NCOA7: variants seen among roughly 807,000 people sequenced by gnomAD.
NCOA7 encodes 140 kDa estrogen receptor-associated protein.
In NCOA7, 45 loss-of-function variants were observed where a neutral mutation model predicts 104.3. The observed-to-expected ratio is 0.43, with a 90% confidence interval of 0.34 to 0.55. The LOEUF (loss-of-function observed/expected upper bound fraction) is 0.55. Ranked by LOEUF, NCOA7 falls within the 20% of genes least tolerant of loss-of-function variation. The pLI, the probability that NCOA7 is intolerant of heterozygous loss-of-function variation, is 0.02. For missense variants in NCOA7, 1,041 were observed against 1,119.7 expected, an observed-to-expected ratio of 0.93 and a Z score of 1.00; for synonymous variants, 398 against 402.3, an observed-to-expected ratio of 0.99 and a Z score of 0.13.
At chr6:125,863,458 G>A (rs779424635) in intron 3 of NCOA7, among the ~76,000 whole-genome samples, 1 of 138,006 alleles carries the variant, frequency 7.2e-6, no homozygotes, top group Non-Finnish European at 1.5e-5. Context: ...AATCTGTCTT[G>A]TTATATTCAC....
intron 1 of NCOA7, among the ~76,000 whole-genome samples, chr6:125,795,107 T>C (rs1430815999): frequency 6.6e-6 from 1 of 152,232 alleles, no homozygotes; most frequent in African/African-American, 2.4e-5. Context: ...CCCAGGTAAC[T>C]CATTATTTAC....
At chr6:125,907,579 A>T (rs1006660944) in intron 10 of NCOA7, among the ~76,000 whole-genome samples, 1 of 152,200 alleles carries the variant, frequency 6.6e-6, no homozygotes, top group African/African-American at 2.4e-5. Flanking sequence ...AAGCCAAGGA[A>T]GTAGTTGGCC....
rs781108701 is a variant in NCOA7, at chr6:125,889,794, G to C, written c.1740G>C (p.Lys580Asn). 3 of 1,612,276 alleles carry C rather than the reference G, an allele frequency of 1.9e-6. No individual in the cohort carries two copies. Among genetic ancestry groups the C allele is most frequent in the East Asian group, 4.5e-5 (2 of 44,858 alleles). Residue 580 changes from lysine (K) to asparagine (N), a missense_variant, in exon 9 of 16, where the codon AAG (lysine) becomes AAC (asparagine). By Grantham distance (94) the Lys-to-Asn change is moderately conservative. Coordinates refer to ENST00000392477, the MANE Select transcript of NCOA7 (RefSeq NM_181782.5). Reference sequence around the variant, plus strand: ...CTGAGGGCAATAAAGAGCCAGATAAGACCTGGGTGAAAAAGGGAGAGCCCC... The same window carrying C: ...CTGAGGGCAATAAAGAGCCAGATAACACCTGGGTGAAAAAGGGAGAGCCCC... ...PITEGNKEPD[K>N]TWVKKGEPLP...
intron 8 of NCOA7, among the ~76,000 whole-genome samples, chr6:125,887,786 C>A (rs1784362395): frequency 6.6e-6 from 1 of 152,116 alleles, no homozygotes; most frequent in African/African-American, 2.4e-5. Context: ...AAATGTTATT[C>A]TTTAAAAGGT....
At chr6:125,819,255 A>G (rs75150046) in intron 2 of NCOA7, among the ~76,000 whole-genome samples, 2,128 of 152,274 alleles carry the variant, frequency 0.014, 25 homozygotes, top group African/African-American at 0.03. Context: ...GCTCTTTAAC[A>G]TCAAAATAGA....
In NCOA7 at chr6:125,860,934, T is replaced by C. The variant is rs539503309; in HGVS notation, c.271+5694T>C. 3.2e-4 allele frequency among the ~76,000 whole-genome samples: 48 copies of C among 152,334 alleles called. No individual in the cohort carries two copies. The South Asian group carries it at 9.5e-3, about 30-fold the overall frequency. On this transcript the variant is annotated intron_variant, in intron 3 of 15. Transcript: ENST00000392477. Reference sequence around the variant, plus strand: ...AATACCAAGATCTTGGATAGTGAAGTTGAATTTTAAGAAAATTATACTTGG... The same window carrying C: ...AATACCAAGATCTTGGATAGTGAAGCTGAATTTTAAGAAAATTATACTTGG...
intron 10 of NCOA7, among the ~76,000 whole-genome samples, chr6:125,898,826 TA>T (rs1014584314): frequency 5.9e-5 from 9 of 152,060 alleles, no homozygotes; most frequent in African/African-American, 2.2e-4. Flanking sequence ...ATCTAATAAA[TA>T]AAAAATGTAT....
In NCOA7 at chr6:125,885,329, A is replaced by C; in HGVS notation, c.870A>C (p.Lys290Asn). 1.9e-6 allele frequency: 3 copies of C among 1,613,616 alleles called. No homozygotes were observed. The highest frequency in any genetic ancestry group is 8.5e-7 in the Non-Finnish European group (1 of 1,179,584). Residue 290 changes from lysine (K) to asparagine (N), a missense_variant, in exon 8 of 16, where the codon AAA (lysine) becomes AAC (asparagine). This residue lies in a region of NCOA7 where 914 missense variants were observed against 942.7 expected (regional missense o/e 0.97). Coordinates refer to ENST00000392477, the MANE Select transcript of NCOA7 (RefSeq NM_181782.5). Reference protein sequence around the residue: ...LYNDISHMKIKDALPSDLPQD... With the variant: ...LYNDISHMKINDALPSDLPQD... ...ATGACATTTCTCACATGAAGATCAA[A>C]GATGCCTTGCCATCGTAAGACATTT...
rs767919614 is a variant in NCOA7, at chr6:125,889,528, A to G, written c.1474A>G (p.Ile492Val). 6.2e-6 allele frequency: 10 copies of G among 1,614,160 alleles called. No homozygotes were observed. Among genetic ancestry groups the G allele is most frequent in the South Asian group, 1.1e-5 (1 of 91,078 alleles). The change falls in exon 9 of 16, where the codon ATA (isoleucine) becomes GTA (valine). Residue 492 changes from isoleucine to valine, a missense_variant. By Grantham distance (29) the Ile-to-Val change is conservative (BLOSUM62 3). This residue lies in a region of NCOA7 where 914 missense variants were observed against 942.7 expected (regional missense o/e 0.97). Coordinates refer to ENST00000392477, the MANE Select transcript of NCOA7 (RefSeq NM_181782.5). ...TTTAGAAACCTGTGAGAAGCAAGAT[A>G]TAATGCCAGAAGTGGACAAGCAGTC... ...LDLETCEKQD[I>V]MPEVDKQSGS...
At chr6:125,808,093 T>A (rs1183949002) in intron 1 of NCOA7, among the ~76,000 whole-genome samples, 1 of 152,106 alleles carries the variant, frequency 6.6e-6, no homozygotes, top group Non-Finnish European at 1.5e-5. Context: ...AAGCCAGCAT[T>A]CCCTGAATGT....
chr6:125,853,159 T>C (rs1297520423), intron 2 of NCOA7, among the ~76,000 whole-genome samples: 3 of 152,140 alleles, frequency 2.0e-5, no homozygotes, highest in Non-Finnish European at 4.4e-5. Flanking sequence ...TTTTTTGTTC[T>C]CTTTCTTTTT....
At chr6:125,864,941 C>G (rs1782325014) in intron 3 of NCOA7, among the ~76,000 whole-genome samples, 1 of 137,682 alleles carries the variant, frequency 7.3e-6, no homozygotes, top group Non-Finnish European at 1.5e-5. Context: ...AAAGAAAAAG[C>G]TGTTTTCAAT....
intron 1 of NCOA7, among the ~76,000 whole-genome samples, chr6:125,782,172 T>C (rs1271285290): frequency 1.5e-4 from 23 of 152,220 alleles, no homozygotes; most frequent in Admixed American, 1.4e-3. Flanking sequence ...TTAAACTTAA[T>C]TTTGCTTTCT....
intron 1 of NCOA7, among the ~76,000 whole-genome samples, chr6:125,809,253 A>G (rs1199707387): frequency 6.6e-6 from 1 of 151,938 alleles, no homozygotes; most frequent in African/African-American, 2.4e-5. Context: ...CAGTGGTGCA[A>G]TCTAGGCTCA....
intron 2 of NCOA7, among the ~76,000 whole-genome samples, chr6:125,840,868 G>GTTTTTTTTTTTTGTTTGTTTTTTTTTTTT (rs1780077634): frequency 2.5e-5 from 1 of 40,340 alleles, no homozygotes; most frequent in African/African-American, 1.0e-4. Context: ...TGTTTGGTTG[G>GTTTTTTTTTTTTGTTTGTTTTTTTTTTTT]TTTTTTTTTT....
chr6:125,894,003 C>T (rs1332911241), intron 10 of NCOA7, among the ~76,000 whole-genome samples: 1 of 152,166 alleles, frequency 6.6e-6, no homozygotes, highest in African/African-American at 2.4e-5. Flanking sequence ...TCTGCAGTTT[C>T]CACAACTCTA....
intron 3 of NCOA7, among the ~76,000 whole-genome samples, chr6:125,870,211 T>C (rs558284280): frequency 1.3e-4 from 20 of 152,182 alleles, no homozygotes; most frequent in Non-Finnish European, 2.6e-4. Context: ...CTCTTCCAAA[T>C]CTCATTACTC....
intron 2 of NCOA7, among the ~76,000 whole-genome samples, chr6:125,837,631 C>CT (rs1779721470): frequency 6.6e-6 from 1 of 152,000 alleles, no homozygotes; most frequent in East Asian, 1.9e-4. Context: ...TCTATTTCTT[C>CT]TCTCACTATA....
At chr6:125,871,141 T>G (rs899250277) in intron 3 of NCOA7, among the ~76,000 whole-genome samples, 48 of 152,148 alleles carry the variant, frequency 3.2e-4, no homozygotes, top group Non-Finnish European at 6.9e-4. Flanking sequence ...TTGCCTTAGG[T>G]TCTTGTACAC....
Sources: gnomAD v4.1 joint callset for allele counts (sites outside exome capture counted in the v4.1 genomes callset) on GRCh38, gnomAD v4.1.1 for gene constraint, gnomAD v4.1.1 regional missense constraint, MANE v1.5 for transcripts, NCBI Gene and HGNC (gene_info 2026-07-23, HGNC 2026-07-21) for gene names.